ATRNL1: variants seen among roughly 807,000 people sequenced by gnomAD.
ATRNL1 encodes the protein attractin like 1.
A neutral mutation model predicts 182.7 loss-of-function variants in ATRNL1; 95 were observed. That is an observed-to-expected ratio of 0.52 (90% CI 0.44 to 0.62). The LOEUF is 0.62. Among genes scored for constraint, ATRNL1 ranks in the 20% least tolerant of loss-of-function variants. The pLI is 0.00. For synonymous variants in ATRNL1, 576 were observed against 568.3 expected, an observed-to-expected ratio of 1.01 and a Z score of -0.19; for missense variants, 1,471 against 1,679.5, an observed-to-expected ratio of 0.88 and a Z score of 2.17.
chr10:115,329,627 G>A (rs948347543), intron 18 of ATRNL1, among the ~76,000 whole-genome samples: 4 of 152,098 alleles, frequency 2.6e-5, no homozygotes, highest in African/African-American at 4.8e-5. Context: ...TTATCAGTAA[G>A]TATTGACCTC....
chr10:115,599,035 T>C (rs567731224), intron 26 of ATRNL1, among the ~76,000 whole-genome samples: 1 of 152,336 alleles, frequency 6.6e-6, no homozygotes, highest in South Asian at 2.1e-4. Context: ...CTCTGGAAAA[T>C]GTTGATTCAC....
intron 26 of ATRNL1, among the ~76,000 whole-genome samples, chr10:115,617,042 T>C (rs1303296841): frequency 6.6e-6 from 1 of 152,184 alleles, no homozygotes; most frequent in Non-Finnish European, 1.5e-5. Context: ...ACTTGCACCA[T>C]GTGCTTGGAA....
chr10:115,201,963 A>T (rs1443912355), intron 8 of ATRNL1, among the ~76,000 whole-genome samples: 2 of 151,820 alleles, frequency 1.3e-5, no homozygotes, highest in African/African-American at 4.8e-5. Context: ...TGTAAGTTGG[A>T]TTCCTAAGTA....
At chr10:115,230,918 AGAGAAAGAG>A (rs1849917788) in intron 9 of ATRNL1, among the ~76,000 whole-genome samples, 11 of 140,656 alleles carry the variant, frequency 7.8e-5, no homozygotes, top group Admixed American at 7.2e-4. Context: ...AGAGAGAGAG[AGAGAAAGAG>A]AGAAATAGTG....
intron 27 of ATRNL1, among the ~76,000 whole-genome samples, chr10:115,834,212 T>G (rs1308360292): frequency 1.3e-5 from 2 of 152,196 alleles, no homozygotes; most frequent in Non-Finnish European, 2.9e-5. Context: ...TTATATACTC[T>G]TATTCTACTG....
At chr10:115,789,377 A>G (rs1555081139) in intron 27 of ATRNL1, among the ~76,000 whole-genome samples, 1 of 152,216 alleles carries the variant, frequency 6.6e-6, no homozygotes, top group African/African-American at 2.4e-5. Flanking sequence ...TCTGCTGTCA[A>G]GAAAAATGAA....
rs758578 is a variant in ATRNL1 at position 115,848,642 on chromosome 10, C to T, written c.4018+651C>T. Among the ~76,000 whole-genome samples the T allele has an allele frequency of 5.6e-3, 858 of 152,302 alleles. 4 individuals carry two copies. Among genetic ancestry groups the T allele is most frequent in the Middle Eastern group, 0.01 (3 of 294 alleles). On this transcript the variant is annotated intron_variant, in intron 28 of 28. Transcript: ENST00000355044. ...TTATACCTGTCCTCTTAGAGCTCTG[C>T]TCATTGCGATGGTGTTGTCCACATT... is the stretch of plus-strand genomic sequence containing the variant.
At chr10:115,284,560 G>A (rs1049851820) in intron 14 of ATRNL1, among the ~76,000 whole-genome samples, 19 of 152,214 alleles carry the variant, frequency 1.2e-4, no homozygotes, top group African/African-American at 4.1e-4. Context: ...GATTTTCATG[G>A]TACCCAATTT....
At chr10:115,365,114 C>G (rs1856960682) in intron 19 of ATRNL1, among the ~76,000 whole-genome samples, 2 of 151,180 alleles carry the variant, frequency 1.3e-5, no homozygotes, top group African/African-American at 4.9e-5. Context: ...CCTCCTTGTA[C>G]CTCTGGTAGA....
At chr10:115,845,698 C>T (rs1056272817) in intron 27 of ATRNL1, among the ~76,000 whole-genome samples, 6 of 69,302 alleles carry the variant, frequency 8.7e-5, no homozygotes, top group Non-Finnish European at 5.9e-5. Flanking sequence ...TTTTTGCAGT[C>T]GAGTTTTTTT....
At chr10:115,536,737 C>G (rs1852042877) in intron 25 of ATRNL1, among the ~76,000 whole-genome samples, 1 of 152,172 alleles carries the variant, frequency 6.6e-6, no homozygotes, top group African/African-American at 2.4e-5. Flanking sequence ...CGGAGCTGTT[C>G]CTATTCAGCC....
intron 26 of ATRNL1, among the ~76,000 whole-genome samples, chr10:115,674,816 T>G (rs910001545): frequency 2.0e-5 from 3 of 152,088 alleles, no homozygotes; most frequent in Admixed American, 2.0e-4. Context: ...ACCACTGTGA[T>G]TCTTGCATAT....
chr10:115,331,893 C>T (rs1327831074), intron 18 of ATRNL1, among the ~76,000 whole-genome samples: 3 of 152,134 alleles, frequency 2.0e-5, no homozygotes, highest in Non-Finnish European at 4.4e-5. Context: ...GTCAGACCCT[C>T]ACATATGAAG....
chr10:115,828,343 A>C (rs1485702659), intron 27 of ATRNL1, among the ~76,000 whole-genome samples: 1 of 151,378 alleles, frequency 6.6e-6, no homozygotes, highest in Non-Finnish European at 1.5e-5. Context: ...AAAAGAAAAG[A>C]AAAGAAACAC....
At chr10:115,616,318 C>T (rs147121317) in intron 26 of ATRNL1, among the ~76,000 whole-genome samples, 5 of 152,296 alleles carry the variant, frequency 3.3e-5, no homozygotes, top group East Asian at 3.9e-4. Flanking sequence ...ATCACCTACA[C>T]TGATACGCAT....
intron 21 of ATRNL1, among the ~76,000 whole-genome samples, chr10:115,451,703 A>G (rs1847290315): frequency 6.6e-6 from 1 of 152,120 alleles, no homozygotes; most frequent in African/African-American, 2.4e-5. Context: ...GCAGTATGGC[A>G]ATTCCTCAAA....
At chr10:115,481,272 C>T (rs966720230) in intron 24 of ATRNL1, among the ~76,000 whole-genome samples, 1 of 150,232 alleles carries the variant, frequency 6.7e-6, no homozygotes, top group African/African-American at 2.4e-5. Context: ...TAGTCTGTTA[C>T]TGGAAATTTG....
rs1437865643 is a variant in ATRNL1, at chr10:115,695,120, C to T, written c.3796-32128C>T. The stretch of plus-strand genomic sequence containing the variant: ...GTGCTCAGAGAAAAATCAACTGACA[C>T]ATTTTTTAAAAGAAAAGAAAAAAAA... On this transcript the variant is annotated intron_variant, in intron 26 of 28. Transcript: ENST00000355044. Among the ~76,000 whole-genome samples the T allele has an allele frequency of 1.4e-4, 22 of 151,766 alleles. No homozygotes were observed. In the East Asian group the frequency reaches 3.1e-3, roughly 21 times the overall value.
rs1313949192 is a variant in ATRNL1, at chr10:115,120,140, G to A, written c.294-45G>A. On this transcript the variant is annotated intron_variant, in intron 1 of 28. Coordinates refer to ENST00000355044, the MANE Select transcript of ATRNL1 (RefSeq NM_207303.4). Reference sequence around the variant, plus strand: ...TTCTTATCCTGCTATATGTCTTAAAGTTATTTTAAGGTAATTATTTTCATT... The same window carrying A: ...TTCTTATCCTGCTATATGTCTTAAAATTATTTTAAGGTAATTATTTTCATT... 3.4e-6 allele frequency: 4 copies of A among 1,184,314 alleles called. No individual in the cohort carries two copies. In the African/African-American group the frequency reaches 6.2e-5, roughly 18 times the overall value. 73.4% of individuals were successfully genotyped at this position (1,184,314 alleles called of 1,614,324 possible).
Sources: allele counts gnomAD v4.1 joint callset (sites outside exome capture counted in the v4.1 genomes callset), GRCh38; gene constraint gnomAD v4.1.1; transcripts MANE v1.5; gene names NCBI Gene and HGNC (gene_info 2026-07-23, HGNC 2026-07-21).